The following CORIN variants were observed in gnomAD, a reference collection of about 807,000 sequenced individuals.
The protein encoded by CORIN is atrial natriuretic peptide-converting enzyme.
In CORIN, 117 loss-of-function variants were observed where a neutral mutation model predicts 125.3. The ratio of observed to expected loss-of-function variants is 0.93; its 90% confidence interval spans 0.80 to 1.09. The LOEUF is 1.09. Ranked by LOEUF, CORIN falls within the 50% of genes least tolerant of loss-of-function variation. CORIN has a pLI of 0.00. For synonymous variants in CORIN, 450 were observed against 466.4 expected, an observed-to-expected ratio of 0.96 and a Z score of 0.45; for missense variants, 1,253 against 1,306.7, an observed-to-expected ratio of 0.96 and a Z score of 0.63.
intron 5 of CORIN, among the ~76,000 whole-genome samples, chr4:47,696,836 T>C (rs954754402): frequency 2.6e-5 from 4 of 152,232 alleles, no homozygotes; most frequent in Admixed American, 6.5e-5. Context: ...AGGCTCTCTC[T>C]GTCTGTGTAT....
intron 5 of CORIN, among the ~76,000 whole-genome samples, chr4:47,729,998 C>T (rs1371958544): frequency 6.6e-6 from 1 of 152,112 alleles, no homozygotes. Context: ...TGAGAGCCAC[C>T]TCCACCACTC....
intron 1 of CORIN, 91 bp from the exon 2 acceptor site, chr4:47,807,138 A>T: frequency 1.0e-6 from 1 of 967,160 alleles, no homozygotes; most frequent in Non-Finnish European, 1.5e-6. Context: ...AGAACAGCAC[A>T]TTCCAAAAAG....
At chr4:47,746,169 T>C (rs983950850) in intron 4 of CORIN, among the ~76,000 whole-genome samples, 6 of 152,322 alleles carry the variant, frequency 3.9e-5, no homozygotes, top group Non-Finnish European at 7.3e-5. Flanking sequence ...CTGTCCTGAC[T>C]CTTATCCCAG....
At chr4:47,796,430 GGAAATAAGGC>G (rs1396777437) in intron 2 of CORIN, among the ~76,000 whole-genome samples, 1 of 152,038 alleles carries the variant, frequency 6.6e-6, no homozygotes, top group Admixed American at 6.6e-5. Flanking sequence ...GAGGGGAAGA[GGAAATAAGGC>G]GATATCCAAG....
At chr4:47,803,699 A>T (rs1273096878) in intron 2 of CORIN, among the ~76,000 whole-genome samples, 1 of 152,272 alleles carries the variant, frequency 6.6e-6, no homozygotes. Flanking sequence ...ATATTCAAAA[A>T]TCAAATCAAA....
At chr4:47,619,023 G>A (rs1182989620) in intron 19 of CORIN, among the ~76,000 whole-genome samples, 1 of 152,134 alleles carries the variant, frequency 6.6e-6, no homozygotes, top group Non-Finnish European at 1.5e-5. Flanking sequence ...GTTTCCTGGA[G>A]AGGAATCAGA....
chr4:47,741,292 A>G (rs1728385252), intron 5 of CORIN, among the ~76,000 whole-genome samples: 2 of 152,086 alleles, frequency 1.3e-5, no homozygotes, highest in Admixed American at 6.5e-5. Context: ...ATATTTCTCA[A>G]TATAAGGCAT....
intron 5 of CORIN, among the ~76,000 whole-genome samples, chr4:47,718,211 T>A (rs1727189743): frequency 6.6e-6 from 1 of 152,214 alleles, no homozygotes; most frequent in Non-Finnish European, 1.5e-5. Flanking sequence ...AGCCTACTTA[T>A]TCTGTTGCTC....
At chr4:47,616,486 C>T (rs1722072571) in intron 19 of CORIN, among the ~76,000 whole-genome samples, 2 of 151,972 alleles carry the variant, frequency 1.3e-5, no homozygotes, top group Non-Finnish European at 2.9e-5. Context: ...TAGTCTCTGA[C>T]ATATGAAGAA....
At chr4:47,831,589 T>C (rs1178742820) in intron 1 of CORIN, 2 of 152,164 alleles carry the variant, frequency 1.3e-5, no homozygotes, top group Non-Finnish European at 2.9e-5. Flanking sequence ...ATGATGATCG[T>C]CTGTCCATGA....
At chr4:47,757,455 G>A (rs10029191) in intron 4 of CORIN, among the ~76,000 whole-genome samples, 6,714 of 151,854 alleles carry the variant, frequency 0.044, 451 homozygotes, top group African/African-American at 0.15. Context: ...TTAGCCAGGC[G>A]CGGTGGTGGG....
intron 6 of CORIN, among the ~76,000 whole-genome samples, chr4:47,687,787 G>A (rs1027979145): frequency 2.0e-5 from 3 of 152,108 alleles, no homozygotes; most frequent in Admixed American, 2.0e-4. Flanking sequence ...AATGACCAGA[G>A]GAGTTAGACG....
chr4:47,697,768 T>G (rs944151748), intron 5 of CORIN, among the ~76,000 whole-genome samples: 2 of 151,426 alleles, frequency 1.3e-5, no homozygotes, highest in African/African-American at 4.9e-5. Flanking sequence ...GAGTGAGAAT[T>G]CCCATGAGGA....
intron 10 of CORIN, among the ~76,000 whole-genome samples, chr4:47,666,198 C>A (rs6825581): frequency 0.14 from 20,841 of 152,178 alleles, 1,905 homozygotes; most frequent in East Asian, 0.47. Context: ...CAGAATGAGT[C>A]TTTTGTGAGT....
At chr4:47,612,141 C>T (rs1454891236) in intron 19 of CORIN, among the ~76,000 whole-genome samples, 1 of 152,144 alleles carries the variant, frequency 6.6e-6, no homozygotes, top group Admixed American at 6.5e-5. Flanking sequence ...GATATGGTAC[C>T]AGCTCCTCTT....
chr4:47,719,964 G>A (rs1247419457), intron 5 of CORIN, among the ~76,000 whole-genome samples: 5 of 152,104 alleles, frequency 3.3e-5, no homozygotes, highest in African/African-American at 1.2e-4. Flanking sequence ...CATTTAAAAC[G>A]TTTTTATTTG....
intron 1 of CORIN, among the ~76,000 whole-genome samples, chr4:47,817,486 G>A (rs1171851517): frequency 6.6e-6 from 1 of 152,132 alleles, no homozygotes; most frequent in Non-Finnish European, 1.5e-5. Context: ...ACTTTGGACA[G>A]TCTCTGCAGC....
At chr4:47,688,600 T>C (rs998936680) in intron 6 of CORIN, among the ~76,000 whole-genome samples, 2 of 152,030 alleles carry the variant, frequency 1.3e-5, no homozygotes, top group East Asian at 3.8e-4. Flanking sequence ...AGACTCCATC[T>C]CAAAAAAAAA....
At chr4:47,798,750 G>A (rs1731402455) in intron 2 of CORIN, among the ~76,000 whole-genome samples, 2 of 152,084 alleles carry the variant, frequency 1.3e-5, no homozygotes, top group Non-Finnish European at 2.9e-5. Context: ...TGTAACATGT[G>A]TATATTATGT....
Sources: gnomAD v4.1 joint callset for allele counts (sites outside exome capture counted in the v4.1 genomes callset) on GRCh38, gnomAD v4.1.1 for gene constraint, MANE v1.5 for transcripts, NCBI Gene and HGNC (gene_info 2026-07-23, HGNC 2026-07-21) for gene names.